Variants in NCOR2 observed in about 807,000 individuals in gnomAD.
NCOR2 encodes CTG repeat protein 26.
In NCOR2, 81 loss-of-function variants were observed where a neutral mutation model predicts 262.9. The ratio of observed to expected loss-of-function variants is 0.31; its 90% CI spans 0.26 to 0.37. NCOR2 has a LOEUF of 0.37. NCOR2 is among the 10% of genes least tolerant of loss of function. The probability of loss-of-function intolerance (pLI) is 1.00; values close to 1 mark genes in which losing one functional copy is unlikely to be tolerated. For missense variants in NCOR2, 3,385 were observed against 3,621.4 expected (o/e 0.93, Z 1.68); for synonymous variants, 1,659 against 1,559.3 (o/e 1.06, Z -1.51).
At chr12:124,478,759 A>G (rs928020731) in intron 3 of NCOR2, among the ~76,000 whole-genome samples, 2 of 152,134 alleles carry the variant, frequency 1.3e-5, no homozygotes, top group Non-Finnish European at 2.9e-5. Context: ...AGAAACAGAA[A>G]TGGACATAGA....
chr12:124,334,448 G>C, exon 41 of NCOR2: 1 of 1,501,678 alleles, frequency 6.7e-7, no homozygotes. Flanking sequence ...GCTGTGGGGG[G>C]AGCCACGGGC....
At chr12:124,439,993 C>G (rs1178638561) in intron 7 of NCOR2, among the ~76,000 whole-genome samples, 1 of 151,942 alleles carries the variant, frequency 6.6e-6, no homozygotes, top group Non-Finnish European at 1.5e-5. Flanking sequence ...GACCCCAGGA[C>G]CGTCCTCTTC....
chr12:124,383,037 G>GATGA (rs3064056), intron 17 of NCOR2, among the ~76,000 whole-genome samples: 10,633 of 151,884 alleles, frequency 0.07, 510 homozygotes, highest in East Asian at 0.26. Flanking sequence ...TGAATGAATG[G>GATGA]ATGAATGAAT....
chr12:124,343,388 T>G (rs1347762125), intron 32 of NCOR2, among the ~76,000 whole-genome samples, 162 bp from the exon 35 acceptor site: 1 of 152,210 alleles, frequency 6.6e-6, no homozygotes, highest in African/African-American at 2.4e-5. Flanking sequence ...TCATTTGCTT[T>G]TGTGTTATAG....
At chr12:124,433,563 A>T (rs1297290759) in intron 8 of NCOR2, among the ~76,000 whole-genome samples, 2 of 152,128 alleles carry the variant, frequency 1.3e-5, no homozygotes, top group African/African-American at 4.8e-5. Context: ...CTGAGGGGAC[A>T]TCCAGACACC....
At chr12:124,373,307 ACAG>A in intron 19 of NCOR2, among the ~76,000 whole-genome samples, 1 of 38,872 alleles carries the variant, frequency 2.6e-5, no homozygotes, top group Non-Finnish European at 7.1e-5. Flanking sequence ...GGGCCCGGGC[ACAG>A]TGGACAATCA....
intron 13 of NCOR2, among the ~76,000 whole-genome samples, chr12:124,404,536 C>T (rs562088122): frequency 1.9e-4 from 29 of 152,320 alleles, no homozygotes; most frequent in Non-Finnish European, 3.4e-4. Flanking sequence ...CATGGACCAA[C>T]GAATCAGGCT....
intron 37 of NCOR2, among the ~76,000 whole-genome samples, 139 bp downstream of exon 39, chr12:124,339,853 ACTACTCACACATAG>A (rs2036291417): frequency 2.9e-5 from 4 of 138,408 alleles, no homozygotes; most frequent in African/African-American, 1.2e-4. Context: ...CCACCCATCC[ACTACTCACACATAG>A]TCTATTCTTC....
At chr12:124,400,698 G>A in intron 14 of NCOR2, 25 bp from the exon 17 acceptor site, 1 of 1,609,810 alleles carries the variant, frequency 6.2e-7, no homozygotes, top group Non-Finnish European at 8.5e-7. Context: ...GGGGAGATAG[G>A]ATGGCTTCAC....
Position 124,549,642 on chromosome 12 carries a change from C to G in NCOR2, c.-164-14031G>C, listed in dbSNP as rs992218844. Among the ~76,000 whole-genome samples, 2 of 152,120 alleles carry G rather than the reference C, an allele frequency of 1.3e-5. No individual in the cohort carries two copies. The highest frequency in any genetic ancestry group is 2.9e-5 in the Non-Finnish European group (2 of 68,018). On this transcript the variant is annotated intron_variant, in intron 1 of 32. Coordinates refer to the NCOR2 transcript ENST00000458234. The surrounding 1 kb of genome is among the most constrained non-coding windows in gnomAD (Gnocchi z 4.4). ...TGACTCCTGACTCCCCACTGCAACC[C>G]AGGAGGTAAATGCTATTACGAACAC...
Position 124,549,730 on chromosome 12 carries a change from G to A in NCOR2, c.-164-14119C>T, listed in dbSNP as rs377075300. On this transcript the variant is annotated intron_variant, in intron 1 of 32. Coordinates refer to the NCOR2 transcript ENST00000458234. The surrounding 1 kb of genome is among the most constrained non-coding windows in gnomAD (Gnocchi z 4.4). ...ACAGCCCGCCTGAAGGTGACAGAGC[G>A]CCTCGCCGTATCACCAGCAACCCCT... Among the ~76,000 whole-genome samples, 4 of 152,150 alleles carry A rather than the reference G, an allele frequency of 2.6e-5. No individual in the cohort carries two copies. Among genetic ancestry groups the A allele is most frequent in the African/African-American group, 7.2e-5 (3 of 41,408 alleles).
At chr12:124,374,744 T>A (rs917684744) in intron 18 of NCOR2, among the ~76,000 whole-genome samples, 2 of 152,244 alleles carry the variant, frequency 1.3e-5, no homozygotes, top group Admixed American at 6.5e-5. Flanking sequence ...GGGTGAAAAG[T>A]GAGCTTCAGC....
intron 43 of NCOR2, 40 bp downstream of exon 45, chr12:124,332,279 T>C (rs761478445): frequency 1.2e-6 from 2 of 1,610,800 alleles, no homozygotes; most frequent in Admixed American, 1.7e-5. Flanking sequence ...CCCGCCCACC[T>C]GTGGCCCCAT....
intron 2 of NCOR2, among the ~76,000 whole-genome samples, chr12:124,484,740 A>T (rs1028412641): frequency 6.7e-6 from 1 of 149,262 alleles, no homozygotes; most frequent in Non-Finnish European, 1.5e-5. Context: ...ACCACACTAC[A>T]CCCGCCTGTC....
chr12:124,419,891 C>A (rs2043119299), intron 13 of NCOR2, 66 bp downstream of exon 15: 1 of 1,459,196 alleles, frequency 6.9e-7, no homozygotes, highest in Admixed American at 1.7e-5. Context: ...GTGCTGGCCA[C>A]CAAGCAAGTG....
At position 124,504,884 on chromosome 12, in the gene NCOR2, G is replaced by A. The variant is rs141985432; in HGVS notation, c.-117-9516C>T. On this transcript the variant is annotated intron_variant, in intron 1 of 46. Transcript: ENST00000404621. The surrounding 1 kb of genome is among the most constrained non-coding windows in gnomAD (Gnocchi z 4.5). Reference sequence around the variant, plus strand: ...CAGGGGTTGTGGGGAGGGAGGAGAGGGGAGTGACGGTTTAATGGGTTTGGG... The same window carrying A: ...CAGGGGTTGTGGGGAGGGAGGAGAGAGGAGTGACGGTTTAATGGGTTTGGG... 1.8e-3 allele frequency among the ~76,000 whole-genome samples: 275 copies of A among 152,316 alleles called. 2 individuals carry two copies. The highest frequency in any genetic ancestry group is 6.2e-3 in the African/African-American group (259 of 41,566).
chr12:124,547,856 A>G (rs956818132), intron 1 of NCOR2, among the ~76,000 whole-genome samples: 15 of 152,184 alleles, frequency 9.9e-5, no homozygotes, highest in African/African-American at 3.4e-4. Flanking sequence ...ATTCCTTTTC[A>G]TGGCTGAATA....
At chr12:124,485,916 T>C (rs1264783204) in intron 2 of NCOR2, among the ~76,000 whole-genome samples, 5 of 152,042 alleles carry the variant, frequency 3.3e-5, no homozygotes, top group Non-Finnish European at 7.4e-5. Flanking sequence ...GACCCAGCCC[T>C]GGCCCTCCCC....
intron 13 of NCOR2, among the ~76,000 whole-genome samples, chr12:124,417,529 A>G (rs1278826471): frequency 6.6e-6 from 1 of 152,098 alleles, no homozygotes; most frequent in Non-Finnish European, 1.5e-5. Context: ...AATGCCCCCA[A>G]ACAGGTCATG....
Sources: allele counts gnomAD v4.1 joint callset (sites outside exome capture counted in the v4.1 genomes callset), GRCh38; gene constraint gnomAD v4.1.1; non-coding constraint Gnocchi (gnomAD v3.1); transcripts MANE v1.5; gene names NCBI Gene and HGNC (gene_info 2026-07-23, HGNC 2026-07-21).